The following ITPK1 variants were observed in gnomAD, a reference collection of about 807,000 sequenced individuals.
ITPK1 encodes the protein inositol 1,3,4-trisphosphate 5/6-kinase.
A neutral mutation model predicts 45.3 loss-of-function variants in ITPK1; 21 were observed. The ratio of observed to expected loss-of-function variants is 0.46; its 90% CI spans 0.33 to 0.67. ITPK1 has a LOEUF of 0.67. ITPK1 is among the 30% of genes least tolerant of loss of function. ITPK1 has a pLI of 0.02. For synonymous variants in ITPK1, 258 were observed against 253.6 expected, an observed-to-expected ratio of 1.02 and a Z score of -0.16; for missense variants, 474 against 573.5, an observed-to-expected ratio of 0.83 and a Z score of 1.77.
intron 10 of ITPK1, among the ~76,000 whole-genome samples, chr14:92,944,645 C>A (rs1192470618): frequency 6.6e-6 from 1 of 152,190 alleles, no homozygotes; most frequent in East Asian, 1.9e-4. Flanking sequence ...CAGCCACTGA[C>A]GTTGTCCCCT....
intron 4 of ITPK1, among the ~76,000 whole-genome samples, chr14:92,995,071 T>A (rs975717312): frequency 4.6e-5 from 7 of 152,154 alleles, no homozygotes; most frequent in African/African-American, 1.7e-4. Context: ...CCACCACCAC[T>A]GGGAGCCGGG....
At chr14:93,113,020 T>C (rs1371098326) in intron 2 of ITPK1, among the ~76,000 whole-genome samples, 4 of 151,990 alleles carry the variant, frequency 2.6e-5, no homozygotes, top group Admixed American at 6.6e-5. Context: ...AAGTAATAAA[T>C]AAGAAACGGA....
intron 2 of ITPK1, among the ~76,000 whole-genome samples, chr14:93,099,558 C>T (rs1396116305): frequency 1.3e-5 from 2 of 152,198 alleles, no homozygotes; most frequent in Non-Finnish European, 2.9e-5. Flanking sequence ...AGTATGTCCA[C>T]CCACCCAGCT....
At chr14:93,023,456 G>A (rs1021617755) in intron 3 of ITPK1, among the ~76,000 whole-genome samples, 5 of 152,232 alleles carry the variant, frequency 3.3e-5, no homozygotes, top group Non-Finnish European at 7.3e-5. Flanking sequence ...TGTGGCATGA[G>A]TGCGGAATAA....
chr14:92,977,553 A>T (rs1361204416), intron 5 of ITPK1, among the ~76,000 whole-genome samples: 2 of 149,488 alleles, frequency 1.3e-5, no homozygotes, highest in African/African-American at 5.1e-5. Flanking sequence ...GCATCGGGGG[A>T]GGACCTGGTG....
At chr14:92,959,177 C>T (rs771935638) in intron 7 of ITPK1, among the ~76,000 whole-genome samples, 8 of 152,160 alleles carry the variant, frequency 5.3e-5, no homozygotes, top group South Asian at 2.1e-4. Flanking sequence ...CTCTCAGCCC[C>T]GGCCAGCACG....
intron 5 of ITPK1, among the ~76,000 whole-genome samples, chr14:92,978,796 A>G (rs55652648): frequency 0.23 from 34,607 of 150,386 alleles, 4,806 homozygotes; most frequent in African/African-American, 0.36. Context: ...GGATGTCCAG[A>G]CAGAAGTCTG....
chr14:92,987,591 T>C (rs1450169244), intron 5 of ITPK1, among the ~76,000 whole-genome samples: 1 of 152,104 alleles, frequency 6.6e-6, no homozygotes, highest in Non-Finnish European at 1.5e-5. Flanking sequence ...GTAAAATAGA[T>C]GTTTGTTGTA....
rs750730439 is a variant in ITPK1 at position 92,941,873 on chromosome 14, G to T, written c.933C>A (p.Asp311Glu). 34 of 1,612,686 alleles carry T rather than the reference G, an allele frequency of 2.1e-5. No homozygotes were observed. Among genetic ancestry groups the T allele is most frequent in the Non-Finnish European group, 2.9e-5 (34 of 1,179,950 alleles). The change falls in exon 11 of 11, where the codon GAC becomes GAA. Residue 311 changes from aspartate to glutamate, a missense_variant. This residue lies in a region of ITPK1 where 367 missense variants were observed against 480.6 expected (regional missense o/e 0.76). Coordinates refer to ENST00000267615, the MANE Select transcript of ITPK1 (RefSeq NM_014216.6). ...GGACAGTGGCGATGTGGTTCAGGAGGTCTGTGAAGAACTCGCTCACGCCCT... is the reference window on the plus strand; with the variant it reads ...GGACAGTGGCGATGTGGTTCAGGAGTTCTGTGAAGAACTCGCTCACGCCCT... ...GYEGVSEFFT[D>E]LLNHIATVLQ...
chr14:93,101,796 C>T (rs1372605734), intron 2 of ITPK1, among the ~76,000 whole-genome samples: 1 of 152,100 alleles, frequency 6.6e-6, no homozygotes, highest in Non-Finnish European at 1.5e-5. Flanking sequence ...GTTGCAGTGA[C>T]CTGAGATCGC....
chr14:93,088,979 C>A (rs1049181404), intron 2 of ITPK1, among the ~76,000 whole-genome samples: 5 of 152,234 alleles, frequency 3.3e-5, no homozygotes, highest in African/African-American at 1.2e-4. Context: ...CATCCCACAG[C>A]ACTGTGTGAC....
At chr14:93,043,621 C>G (rs1283701422) in intron 3 of ITPK1, among the ~76,000 whole-genome samples, 1 of 152,266 alleles carries the variant, frequency 6.6e-6, no homozygotes, top group African/African-American at 2.4e-5. Flanking sequence ...GCACTCAGGC[C>G]GTAGCCAGCC....
At chr14:93,115,411 C>T (rs1444257624) in intron 1 of ITPK1, 106 bp from the exon 2 acceptor site, 2 of 150,908 alleles carry the variant, frequency 1.3e-5, no homozygotes, top group East Asian at 1.9e-4. Flanking sequence ...ACCGCCCACG[C>T]CCCCGCCGCC....
At chr14:93,004,579 T>C (rs148775236) in intron 4 of ITPK1, among the ~76,000 whole-genome samples, 8 of 151,696 alleles carry the variant, frequency 5.3e-5, no homozygotes, top group Middle Eastern at 6.9e-3. Flanking sequence ...TGTGAGAGCA[T>C]ATGTGTGTGT....
At chr14:93,079,003 G>T (rs1405032726) in intron 2 of ITPK1, among the ~76,000 whole-genome samples, 4 of 151,940 alleles carry the variant, frequency 2.6e-5, no homozygotes, top group African/African-American at 9.7e-5. Context: ...CCAGGGCCTC[G>T]GTTTCCCTCT....
chr14:93,000,526 C>A (rs747304886), intron 4 of ITPK1, among the ~76,000 whole-genome samples: 2 of 152,196 alleles, frequency 1.3e-5, no homozygotes, highest in Non-Finnish European at 2.9e-5. Context: ...ACACAACCAG[C>A]TGGGGGGCTT....
intron 8 of ITPK1, among the ~76,000 whole-genome samples, chr14:92,955,195 C>T (rs1160707688): frequency 1.3e-5 from 2 of 152,218 alleles, no homozygotes; most frequent in South Asian, 2.1e-4. Context: ...TGAACACAGC[C>T]GTGCCACTCA....
At chr14:92,953,398 ATG>A (rs1010990391) in intron 8 of ITPK1, among the ~76,000 whole-genome samples, 3 of 152,218 alleles carry the variant, frequency 2.0e-5, no homozygotes, top group African/African-American at 7.2e-5. Flanking sequence ...CCCGCAGGAC[ATG>A]TGTCATGTGG....
chr14:93,030,221 A>G (rs1888966156), intron 3 of ITPK1, among the ~76,000 whole-genome samples: 1 of 152,256 alleles, frequency 6.6e-6, no homozygotes, highest in Non-Finnish European at 1.5e-5. Context: ...GACACGTCCC[A>G]CTTGACAAAT....
Sources: allele counts gnomAD v4.1 joint callset (sites outside exome capture counted in the v4.1 genomes callset), GRCh38; gene constraint gnomAD v4.1.1; regional missense constraint gnomAD v4.1.1; transcripts MANE v1.5; gene names NCBI Gene and HGNC (gene_info 2026-07-23, HGNC 2026-07-21).